KL: variants seen among roughly 807,000 people sequenced by gnomAD.
The protein encoded by KL is klotho.
In KL, 62 loss-of-function variants were observed where a neutral mutation model predicts 84.2. The ratio of observed to expected loss-of-function variants is 0.74; its 90% CI spans 0.60 to 0.91. The LOEUF (loss-of-function observed/expected upper bound fraction) is 0.91, where lower values mean the gene tolerates loss of function less well. Among genes scored for constraint, KL ranks in the 40% least tolerant of loss-of-function variants. The pLI, the probability that KL is intolerant of heterozygous loss-of-function variation, is 0.00. For synonymous variants in KL, 528 were observed against 528.0 expected, an observed-to-expected ratio of 1.00 and a Z score of 0.00; for missense variants, 1,261 against 1,305.7, an observed-to-expected ratio of 0.97 and a Z score of 0.53.
In KL at chr13:33,053,810, C is replaced by A; in HGVS notation, c.863C>A (p.Pro288His). Residue 288 changes from proline to histidine, a missense_variant, in exon 2 of 5, where the codon CCC becomes CAC. By Grantham distance (77) the Pro-to-His change is moderately conservative. Transcript: ENST00000380099. ...VWHLYNTSFR[P>H]TQGGQVSIAL... ...CATCTCTACAATACTTCTTTCCGTCCCACTCAGGGAGGTCAGGTGTCCATT... is the reference window on the plus strand; with the variant it reads ...CATCTCTACAATACTTCTTTCCGTCACACTCAGGGAGGTCAGGTGTCCATT... 1 of 1,614,038 alleles carries A rather than the reference C, an allele frequency of 6.2e-7. No homozygotes were observed.
intron 4 of KL, among the ~76,000 whole-genome samples, chr13:33,062,959 GA>G (rs1445143482): frequency 6.6e-6 from 1 of 152,026 alleles, no homozygotes; most frequent in African/African-American, 2.4e-5. Flanking sequence ...GGCAGGGGGG[GA>G]AAATGAAGTA....
chr13:33,018,850 T>C (rs1298966052), intron 1 of KL, among the ~76,000 whole-genome samples: 1 of 152,230 alleles, frequency 6.6e-6, no homozygotes, highest in African/African-American at 2.4e-5. Context: ...AACTTGCATA[T>C]ACAAAGTAGT....
Position 33,016,947 on chromosome 13 carries a change from GC to G in KL, c.508del (p.Leu170CysfsTer129). The G allele has an allele frequency of 6.2e-7, 1 of 1,606,636 alleles. No individual in the cohort carries two copies. Among genetic ancestry groups the G allele is most frequent in the Non-Finnish European group, 8.5e-7 (1 of 1,178,026 alleles). On this transcript the variant is annotated frameshift_variant, in exon 1 of 5. Transcript: ENST00000380099. LOFTEE classifies it high-confidence loss of function. ...GCGCGGGCGTCCCCAACCGCGAGGGGCTGCGCTACTACCGGCGCCTGCTGGA... is the reference window on the plus strand; with the variant it reads ...GCGCGGGCGTCCCCAACCGCGAGGGGTGCGCTACTACCGGCGCCTGCTGGA... ...GSAGVPNREG[L>X]RYYRRLLERL...
intron 3 of KL, among the ~76,000 whole-genome samples, chr13:33,056,040 G>A (rs1480576226): frequency 6.6e-6 from 1 of 152,184 alleles, no homozygotes; most frequent in Non-Finnish European, 1.5e-5. Flanking sequence ...GTTAAGGGGA[G>A]TGCAGGTAGA....
intron 1 of KL, among the ~76,000 whole-genome samples, chr13:33,052,318 C>T (rs1871785183): frequency 6.6e-6 from 1 of 152,038 alleles, no homozygotes; most frequent in Non-Finnish European, 1.5e-5. Context: ...GGAAGGGAGG[C>T]CTGGGGAGGT....
chr13:33,046,797 A>G (rs75737663), intron 1 of KL, among the ~76,000 whole-genome samples: 3,857 of 150,000 alleles, frequency 0.026, 168 homozygotes, highest in African/African-American at 0.089. Flanking sequence ...TCCTCTGAGC[A>G]TTGCTTTTGC....
chr13:33,035,694 C>A (rs567166477), intron 1 of KL, among the ~76,000 whole-genome samples: 1 of 152,272 alleles, frequency 6.6e-6, no homozygotes, highest in South Asian at 2.1e-4. Flanking sequence ...ATTGGAACCC[C>A]TCTGTGTCTC....
At position 33,066,121 on chromosome 13, in the gene KL, CT is replaced by C; in HGVS notation, c.*1940del. 5.9e-6 allele frequency: 1 copy of C among 170,254 alleles called. No individual in the cohort carries two copies. The highest frequency in any genetic ancestry group is 1.3e-5 in the Non-Finnish European group (1 of 78,332). 10.5% of individuals were successfully genotyped at this position (170,254 alleles called of 1,614,324 possible). ...ATATTAATAATAAATCTGCCTGCAACTTTTTGCCTTCTTTCATAATCATATG... is the reference window on the plus strand; with the variant it reads ...ATATTAATAATAAATCTGCCTGCAACTTTTGCCTTCTTTCATAATCATATG... On this transcript the variant is annotated 3_prime_UTR_variant, in exon 5 of 5. Transcript: ENST00000380099.
Position 33,061,081 on chromosome 13 carries a change from G to T in KL, c.2002G>T (p.Glu668Ter). ...CCCCTACACTGCCCTGGCCTTTGCA[G>T]AGTATGCCCGACTGTGCTTTCAAGA... ...ENPYTALAFA[E>*]YARLCFQELG... The change falls in exon 4 of 5, where the codon GAG (glutamate) becomes TAG (stop). Residue 668 changes from glutamate (E) to a stop codon, truncating the protein, a stop_gained. Transcript: ENST00000380099. LOFTEE classifies it high-confidence loss of function. 1 of 1,613,464 alleles carries T rather than the reference G, an allele frequency of 6.2e-7. No individual in the cohort carries two copies. The highest frequency in any genetic ancestry group is 1.1e-5 in the South Asian group (1 of 90,968).
In KL at chr13:33,055,273, T is replaced by A. The variant is rs750440983; in HGVS notation, c.1557T>A (p.Phe519Leu). The A allele has an allele frequency of 2.0e-5, 32 of 1,614,078 alleles. No homozygotes were observed. Among genetic ancestry groups the A allele is most frequent in the Non-Finnish European group, 2.6e-5 (31 of 1,180,038 alleles). Residue 519 changes from phenylalanine to leucine, a missense_variant, in exon 3 of 5, where the codon TTT becomes TTA. Physicochemically the swap from Phe to Leu is conservative, Grantham distance 22 (BLOSUM62 0). Transcript: ENST00000380099. ...LPENQPLEGTFPCDFAWGVVD... is the reference protein window; with the variant it reads ...LPENQPLEGTLPCDFAWGVVD... ...AAAATCAGCCCCTAGAAGGGACATT[T>A]CCCTGTGACTTTGCTTGGGGAGTTG... is the stretch of plus-strand genomic sequence containing the variant.
At position 33,052,716 on chromosome 13, in the gene KL, C is replaced by T. The variant is rs189832229; in HGVS notation, c.820-1051C>T. Among the ~76,000 whole-genome samples the T allele has an allele frequency of 3.5e-3, 537 of 152,192 alleles. 3 individuals are homozygous for T. The highest frequency in any genetic ancestry group is 4.8e-3 in the Non-Finnish European group (325 of 68,004). ...GGCTTAATGAACAAAGGAGTTTCTG[C>T]AGGCCCAGGGAGTGGAATGAAAATT... On this transcript the variant is annotated intron_variant, in intron 1 of 4. Coordinates refer to ENST00000380099, the MANE Select transcript of KL (RefSeq NM_004795.4).
At chr13:33,059,765 C>T (rs1054798477) in intron 3 of KL, among the ~76,000 whole-genome samples, 6 of 152,166 alleles carry the variant, frequency 3.9e-5, no homozygotes, top group Middle Eastern at 3.4e-3. Flanking sequence ...GCCACTGCGC[C>T]TGGCCTCTCT....
rs146477863 is a variant in KL, at chr13:33,057,330, G to C, written c.1599+2015G>C. Among the ~76,000 whole-genome samples, 4 of 152,300 alleles carry C rather than the reference G, an allele frequency of 2.6e-5. No homozygotes were observed. The East Asian group carries it at 7.7e-4, about 29-fold the overall frequency. ...ACTTCTCCTGTTCTATTCCTCATCA[G>C]GGGGCTGTGCGCTGGCTTTGGGAAT... On this transcript the variant is annotated intron_variant, in intron 3 of 4. Coordinates refer to ENST00000380099, the MANE Select transcript of KL (RefSeq NM_004795.4).
chr13:33,040,678 T>C (rs1422278827), intron 1 of KL, among the ~76,000 whole-genome samples: 1 of 152,232 alleles, frequency 6.6e-6, no homozygotes, highest in African/African-American at 2.4e-5. Context: ...GAATGATAGA[T>C]AACAAAAAGC....
In KL at chr13:33,061,345, G is replaced by T; in HGVS notation, c.2266G>T (p.Asp756Tyr). ...KEVAERVLEF[D>Y]IGWLAEPIFG... ...GGTGGCTGAGAGAGTTTTGGAATTT[G>T]ACATTGGCTGGCTGGCTGAGCCCAT... The change falls in exon 4 of 5, where the codon GAC becomes TAC. Residue 756 changes from aspartate to tyrosine, a missense_variant. Asp to Tyr is a radical substitution (Grantham distance 160). Coordinates refer to ENST00000380099, the MANE Select transcript of KL (RefSeq NM_004795.4). 6.2e-7 allele frequency: 1 copy of T among 1,614,194 alleles called. No homozygotes were observed. Among genetic ancestry groups the T allele is most frequent in the Non-Finnish European group, 8.5e-7 (1 of 1,180,034 alleles).
At chr13:33,018,781 A>G (rs982581462) in intron 1 of KL, among the ~76,000 whole-genome samples, 3 of 152,232 alleles carry the variant, frequency 2.0e-5, no homozygotes, top group Non-Finnish European at 4.4e-5. Flanking sequence ...GATCATGCCC[A>G]TAAAATCTTT....
intron 3 of KL, among the ~76,000 whole-genome samples, chr13:33,060,014 T>C (rs925243470): frequency 2.0e-5 from 3 of 152,218 alleles, no homozygotes; most frequent in Non-Finnish European, 4.4e-5. Flanking sequence ...CTGAGGCCGA[T>C]GTACAGTGAT....
rs1423066124 is a variant in KL at position 33,061,512 on chromosome 13, C to T, written c.2433C>T (p.Thr811=). ...FDFLALSHYT[T]ILVDSEKEDP... The stretch of plus-strand genomic sequence containing the variant: ...TTTTGGCTTTAAGCCATTATACCAC[C>T]ATCCTTGTAGACTCAGAAAAAGAAG... Residue 811 remains threonine, a synonymous_variant, in exon 4 of 5, where the codon ACC becomes ACT. Coordinates refer to ENST00000380099, the MANE Select transcript of KL (RefSeq NM_004795.4). 1 of 1,614,188 alleles carries T rather than the reference C, an allele frequency of 6.2e-7. No homozygotes were observed. Among genetic ancestry groups the T allele is most frequent in the Non-Finnish European group, 8.5e-7 (1 of 1,180,036 alleles).
Position 33,064,090 on chromosome 13 carries a change from T to G in KL, c.2943T>G (p.Ser981=), listed in dbSNP as rs750150939. Residue 981 remains serine (S), a synonymous_variant, in exon 5 of 5, where the codon TCT becomes TCG. Transcript: ENST00000380099. ...GCAGTTTTTTTCACACCCGAAAGTC[T>G]TTACTGGCTTTCATAGCTTTTCTAT... is the stretch of plus-strand genomic sequence containing the variant. ...TECSFFHTRK[S]LLAFIAFLFF... is the part of the protein sequence containing the mutation. 5.6e-6 allele frequency: 9 copies of G among 1,613,930 alleles called. No individual in the cohort carries two copies. The South Asian group carries it at 8.8e-5, about 16-fold the overall frequency.
Sources: allele counts gnomAD v4.1 joint callset (sites outside exome capture counted in the v4.1 genomes callset), GRCh38; gene constraint gnomAD v4.1.1; transcripts MANE v1.5; gene names NCBI Gene and HGNC (gene_info 2026-07-23, HGNC 2026-07-21).